MGAT4C: variants seen among roughly 807,000 people sequenced by gnomAD.
MGAT4C encodes the protein alpha-1,3-mannosyl-glycoprotein 4-beta-N-acetylglucosaminyltransferase C.
Under a neutral mutation model 40.1 loss-of-function variants are expected in MGAT4C, and 19 were observed. The observed-to-expected ratio is 0.47, with a 90% CI of 0.33 to 0.70. The LOEUF (loss-of-function observed/expected upper bound fraction) is 0.70, where lower values mean the gene tolerates loss of function less well. Ranked by LOEUF, MGAT4C falls within the 30% of genes least tolerant of loss-of-function variation. MGAT4C has a pLI of 0.02. For synonymous variants in MGAT4C, 181 were observed against 187.1 expected, an observed-to-expected ratio of 0.97 and a Z score of 0.27; for missense variants, 491 against 563.2, an observed-to-expected ratio of 0.87 and a Z score of 1.30.
At chr12:86,364,070 G>A (rs950380097) in intron 3 of MGAT4C, among the ~76,000 whole-genome samples, 1 of 151,454 alleles carries the variant, frequency 6.6e-6, no homozygotes, top group Non-Finnish European at 1.5e-5. Flanking sequence ...TGGTAGTTAA[G>A]TATCCTCCAA....
chr12:86,824,736 C>CAA (rs35714537), intron 1 of MGAT4C, among the ~76,000 whole-genome samples: 78 of 59,538 alleles, frequency 1.3e-3, no homozygotes, highest in South Asian at 2.8e-3. Flanking sequence ...ACAGCCAGGC[C>CAA]AAAAAAAAAA....
intron 1 of MGAT4C, among the ~76,000 whole-genome samples, chr12:86,153,311 T>C (rs75227531): frequency 0.047 from 7,197 of 152,150 alleles, 390 homozygotes; most frequent in East Asian, 0.28. Context: ...CAGCACACAA[T>C]AGAAATACAC....
chr12:86,184,334 G>A (rs1484781034), intron 1 of MGAT4C, among the ~76,000 whole-genome samples: 7 of 149,900 alleles, frequency 4.7e-5, no homozygotes, highest in East Asian at 2.0e-4. Flanking sequence ...CTGAGATTGC[G>A]CACTGCACTC....
chr12:86,737,204 C>A (rs960032400), intron 1 of MGAT4C, among the ~76,000 whole-genome samples: 3 of 151,406 alleles, frequency 2.0e-5, no homozygotes, highest in Non-Finnish European at 4.4e-5. Context: ...TTTATCCCCA[C>A]AGCTCCAGCA....
intron 1 of MGAT4C, among the ~76,000 whole-genome samples, chr12:86,171,502 T>A (rs1403901927): frequency 6.6e-6 from 1 of 152,174 alleles, no homozygotes. Flanking sequence ...AAATAGTAAG[T>A]GAATTGACCA....
chr12:86,423,005 CT>C (rs1043344289), intron 3 of MGAT4C, among the ~76,000 whole-genome samples: 1 of 152,098 alleles, frequency 6.6e-6, no homozygotes, highest in Non-Finnish European at 1.5e-5. Flanking sequence ...AGAAAGTAAT[CT>C]GCACGAACAT....
intron 1 of MGAT4C, among the ~76,000 whole-genome samples, chr12:86,170,337 T>G (rs1043294682): frequency 6.6e-6 from 1 of 152,230 alleles, no homozygotes; most frequent in African/African-American, 2.4e-5. Flanking sequence ...ATCATGTCAT[T>G]TGAAACTTGA....
intron 2 of MGAT4C, among the ~76,000 whole-genome samples, chr12:86,010,135 AAGAT>A (rs1168292208): frequency 6.6e-6 from 1 of 152,202 alleles, no homozygotes; most frequent in Non-Finnish European, 1.5e-5. Context: ...AAAATACAAG[AAGAT>A]AGAAAGGGGG....
intron 1 of MGAT4C, among the ~76,000 whole-genome samples, chr12:86,766,115 G>C (rs1303120612): frequency 6.6e-6 from 1 of 152,060 alleles, no homozygotes; most frequent in East Asian, 1.9e-4. Context: ...GCTGTATTCA[G>C]GAAACCCATC....
chr12:86,447,442 A>G (rs1957358936), intron 2 of MGAT4C, among the ~76,000 whole-genome samples: 1 of 152,180 alleles, frequency 6.6e-6, no homozygotes, highest in Admixed American at 6.6e-5. Flanking sequence ...GTAAAAAAGA[A>G]TGACTGGAAA....
At chr12:86,207,604 TA>T (rs903738621) in intron 1 of MGAT4C, among the ~76,000 whole-genome samples, 10 of 151,838 alleles carry the variant, frequency 6.6e-5, no homozygotes, top group African/African-American at 1.5e-4. Context: ...TGAACAAGAA[TA>T]AAAAAAAGAT....
In MGAT4C at chr12:86,211,804, T is replaced by C. The variant is rs935508340; in HGVS notation, c.-57+44435A>G. ...GGTTTTTGTTGTTTTGTTTTTTTTT[T>C]CCTACATGACTTTGTTCTCTCTTTG... On this transcript the variant is annotated intron_variant, in intron 1 of 4. Transcript: ENST00000611864. 2.6e-5 allele frequency among the ~76,000 whole-genome samples: 4 copies of C among 152,084 alleles called. No individual in the cohort carries two copies. The East Asian group carries it at 7.7e-4, about 29-fold the overall frequency.
chr12:86,690,892 T>C (rs1950160206), intron 2 of MGAT4C, among the ~76,000 whole-genome samples: 1 of 152,226 alleles, frequency 6.6e-6, no homozygotes, highest in African/African-American at 2.4e-5. Context: ...GACTAATGAC[T>C]CTGAAATTCA....
intron 1 of MGAT4C, among the ~76,000 whole-genome samples, chr12:86,176,895 A>G (rs1265842699): frequency 6.7e-6 from 1 of 149,678 alleles, no homozygotes; most frequent in Non-Finnish European, 1.5e-5. Flanking sequence ...CAGTTCATTA[A>G]TTTACTAAAT....
chr12:86,569,360 A>C (rs1960270286), intron 2 of MGAT4C, among the ~76,000 whole-genome samples: 1 of 152,110 alleles, frequency 6.6e-6, no homozygotes, highest in Non-Finnish European at 1.5e-5. Flanking sequence ...AACCCCATTA[A>C]AAAGTTGGCA....
intron 1 of MGAT4C, among the ~76,000 whole-genome samples, chr12:86,137,400 T>C (rs1190393598): frequency 6.6e-6 from 1 of 152,192 alleles, no homozygotes; most frequent in Admixed American, 6.5e-5. Flanking sequence ...TCCTCATCTG[T>C]CCTTCTACTG....
chr12:86,574,373 C>T (rs1459355972), intron 2 of MGAT4C, among the ~76,000 whole-genome samples: 1 of 151,750 alleles, frequency 6.6e-6, no homozygotes, highest in Non-Finnish European at 1.5e-5. Context: ...TGACATAGGG[C>T]CCCAGACATC....
intron 1 of MGAT4C, among the ~76,000 whole-genome samples, chr12:86,833,469 G>A (rs1022352584): frequency 6.6e-6 from 1 of 151,820 alleles, no homozygotes; most frequent in African/African-American, 2.4e-5. Context: ...GAAGGTGTCA[G>A]CAGGGTTGTA....
chr12:86,588,472 C>T (rs1479189763), intron 2 of MGAT4C, among the ~76,000 whole-genome samples: 1 of 151,992 alleles, frequency 6.6e-6, no homozygotes, highest in African/African-American at 2.4e-5. Context: ...TAACACCCCA[C>T]TGTCAACATT....
Sources: gnomAD v4.1 joint callset for allele counts (sites outside exome capture counted in the v4.1 genomes callset) on GRCh38, gnomAD v4.1.1 for gene constraint, MANE v1.5 for transcripts, NCBI Gene and HGNC (gene_info 2026-07-23, HGNC 2026-07-21) for gene names.